LEKR1: variants seen among roughly 807,000 people sequenced by gnomAD.
LEKR1 encodes the protein leucine, glutamate and lysine rich 1.
In LEKR1, 59 loss-of-function variants were observed where a neutral mutation model predicts 72.4. The observed-to-expected ratio is 0.82, with a 90% confidence interval of 0.66 to 1.01. LEKR1 has a LOEUF of 1.01. Among genes scored for constraint, LEKR1 ranks in the 50% least tolerant of loss-of-function variants. LEKR1 has a pLI of 0.00. For synonymous variants in LEKR1, 257 were observed against 263.2 expected, an observed-to-expected ratio of 0.98 and a Z score of 0.23; for missense variants, 728 against 759.2, an observed-to-expected ratio of 0.96 and a Z score of 0.48.
intron 9 of LEKR1, among the ~76,000 whole-genome samples, chr3:156,999,163 G>A (rs148073401): frequency 0.021 from 3,204 of 152,094 alleles, 41 homozygotes; most frequent in Middle Eastern, 0.041. Flanking sequence ...CAAGCAATGC[G>A]GAACTGTGAG....
chr3:156,996,230 A>T (rs1353068256), intron 9 of LEKR1, among the ~76,000 whole-genome samples: 1 of 152,146 alleles, frequency 6.6e-6, no homozygotes, highest in Non-Finnish European at 1.5e-5. Context: ...GTAAAAATTG[A>T]TAGAAGAGGT....
chr3:156,972,149 T>A (rs1295914540), intron 6 of LEKR1, among the ~76,000 whole-genome samples: 1 of 152,134 alleles, frequency 6.6e-6, no homozygotes, highest in East Asian at 1.9e-4. Flanking sequence ...CACCATGGAA[T>A]ACTATGCAGC....
intron 3 of LEKR1, among the ~76,000 whole-genome samples, chr3:156,864,267 C>G (rs1717074425): frequency 6.6e-6 from 1 of 151,966 alleles, no homozygotes; most frequent in South Asian, 2.1e-4. Flanking sequence ...TTGACAGTAT[C>G]TTCAAGTCCC....
chr3:156,897,850 G>T (rs1284845965), intron 3 of LEKR1, among the ~76,000 whole-genome samples: 2 of 152,054 alleles, frequency 1.3e-5, no homozygotes, highest in African/African-American at 4.8e-5. Context: ...TTACTCGGGA[G>T]GCTAAGGCAG....
At chr3:156,869,651 C>A (rs1272672805) in intron 3 of LEKR1, among the ~76,000 whole-genome samples, 2 of 151,878 alleles carry the variant, frequency 1.3e-5, no homozygotes, top group East Asian at 3.9e-4. Flanking sequence ...TCCCATTCAG[C>A]AAATTGTCTC....
At chr3:156,943,473 C>T (rs1726402087) in intron 6 of LEKR1, among the ~76,000 whole-genome samples, 1 of 151,892 alleles carries the variant, frequency 6.6e-6, no homozygotes, top group South Asian at 2.1e-4. Flanking sequence ...GTATAATTAT[C>T]CTATCTTACA....
chr3:156,872,488 G>A (rs900674417), intron 3 of LEKR1, among the ~76,000 whole-genome samples: 4 of 151,734 alleles, frequency 2.6e-5, no homozygotes, highest in African/African-American at 9.7e-5. Context: ...ACTTATTTGG[G>A]ATTTGGTTTG....
rs1267186040 is a variant in LEKR1, at chr3:156,888,285, CA to C, written c.264-32288del. 7.1e-6 allele frequency: 5 copies of C among 700,214 alleles called. No individual in the cohort carries two copies. In the African/African-American group the frequency reaches 8.7e-5, roughly 12 times the overall value. 43.4% of individuals were successfully genotyped at this position (700,214 alleles called of 1,614,324 possible). On this transcript the variant is annotated intron_variant, in intron 3 of 12. Transcript: ENST00000356539. ...TGATATAAATCGTAATGTTTATGTT[CA>C]ATCTTAACAGCAAAATATACTTCAG... is the stretch of plus-strand genomic sequence containing the variant.
intron 5 of LEKR1, among the ~76,000 whole-genome samples, chr3:156,928,326 T>C (rs1417016050): frequency 6.6e-6 from 1 of 152,074 alleles, no homozygotes; most frequent in South Asian, 2.1e-4. Flanking sequence ...ATTCATCAAT[T>C]GTAACAAGTA....
chr3:156,959,882 G>C (rs1395704594), intron 6 of LEKR1, among the ~76,000 whole-genome samples: 1 of 151,844 alleles, frequency 6.6e-6, no homozygotes, highest in African/African-American at 2.4e-5. Flanking sequence ...TTCACTTTTA[G>C]AATAAACTTT....
intron 9 of LEKR1, among the ~76,000 whole-genome samples, chr3:156,998,975 T>C (rs1395781352): frequency 2.6e-5 from 4 of 152,146 alleles, no homozygotes; most frequent in Non-Finnish European, 2.9e-5. Flanking sequence ...GATTGAATCA[T>C]GGGGGCAGTT....
intron 3 of LEKR1, among the ~76,000 whole-genome samples, chr3:156,909,060 T>G (rs959094208): frequency 6.6e-6 from 1 of 152,160 alleles, no homozygotes; most frequent in African/African-American, 2.4e-5. Context: ...GATGGTTTTA[T>G]AAGGGGAAAA....
chr3:156,879,536 A>G (rs927722545), intron 3 of LEKR1, among the ~76,000 whole-genome samples: 1 of 152,170 alleles, frequency 6.6e-6, no homozygotes, highest in African/African-American at 2.4e-5. Context: ...AGAAAAACCC[A>G]TTTTCTGAGG....
At chr3:157,005,587 A>G (rs1732360937) in intron 9 of LEKR1, among the ~76,000 whole-genome samples, 1 of 152,152 alleles carries the variant, frequency 6.6e-6, no homozygotes, top group African/African-American at 2.4e-5. Context: ...TAAAATCAAG[A>G]TAACATATAA....
chr3:156,963,081 T>A (rs1440980350), intron 6 of LEKR1, among the ~76,000 whole-genome samples: 1 of 152,196 alleles, frequency 6.6e-6, no homozygotes, highest in Non-Finnish European at 1.5e-5. Flanking sequence ...CTGAGGTGTC[T>A]ACATCATCCC....
At chr3:156,951,068 A>G (rs1022688989) in intron 6 of LEKR1, among the ~76,000 whole-genome samples, 2 of 151,860 alleles carry the variant, frequency 1.3e-5, no homozygotes, top group Middle Eastern at 3.4e-3. Context: ...AGTTTTTCAC[A>G]TAAAGGGAGG....
intron 7 of LEKR1, among the ~76,000 whole-genome samples, chr3:156,986,503 T>C (rs1212899603): frequency 6.6e-6 from 1 of 152,096 alleles, no homozygotes; most frequent in East Asian, 1.9e-4. Context: ...GATTTACTGA[T>C]AGAGAAAATG....
intron 9 of LEKR1, among the ~76,000 whole-genome samples, chr3:157,009,859 A>G (rs1456352560): frequency 6.6e-6 from 1 of 152,112 alleles, no homozygotes. Flanking sequence ...GAATATTCAT[A>G]GTAAATTAAA....
At position 156,920,586 on chromosome 3, in the gene LEKR1, T is replaced by C. The variant is rs1724098481; in HGVS notation, c.275T>C (p.Val92Ala). The C allele has an allele frequency of 6.8e-7, 1 of 1,461,578 alleles. No homozygotes were observed. Among genetic ancestry groups the C allele is most frequent in the Non-Finnish European group, 9.2e-7 (1 of 1,089,544 alleles). 90.5% of individuals were successfully genotyped at this position (1,461,578 alleles called of 1,614,324 possible). Residue 92 changes from valine (V) to alanine (A), a missense_variant, in exon 4 of 13, where the codon GTA becomes GCA. Val to Ala is a moderately conservative substitution (Grantham distance 64). Coordinates refer to ENST00000356539, the MANE Select transcript of LEKR1 (RefSeq NM_001004316.3). ...GTTTATATTTTTAGAATTTACGATG[T>C]AGGCATGCAGTTAAAAAGTCAACAA... ...NKSKTERIYD[V>A]GMQLKSQQNE...
Sources: gnomAD v4.1 joint callset for allele counts (sites outside exome capture counted in the v4.1 genomes callset) on GRCh38, gnomAD v4.1.1 for gene constraint, MANE v1.5 for transcripts, NCBI Gene and HGNC (gene_info 2026-07-23, HGNC 2026-07-21) for gene names.